RBFOX1: variants seen among roughly 807,000 people sequenced by gnomAD.
RBFOX1 encodes RNA binding protein fox-1 homolog 1.
A neutral mutation model predicts 57.7 loss-of-function variants in RBFOX1; 8 were observed. The ratio of observed to expected loss-of-function variants is 0.14; its 90% CI spans 0.08 to 0.25. The LOEUF is 0.25. RBFOX1 is among the 10% of genes least tolerant of loss of function. RBFOX1 has a pLI of 1.00. For synonymous variants in RBFOX1, 326 were observed against 222.4 expected, an observed-to-expected ratio of 1.47 and a Z score of -4.15; for missense variants, 611 against 548.5, an observed-to-expected ratio of 1.11 and a Z score of -1.14.
At chr16:7,275,238 A>C (rs1016818915) in intron 4 of RBFOX1, among the ~76,000 whole-genome samples, 1 of 152,226 alleles carries the variant, frequency 6.6e-6, no homozygotes, top group African/African-American at 2.4e-5. Flanking sequence ...ATTCAAAAAT[A>C]GCATTGTGCC....
At chr16:7,106,958 C>T (rs1599677889) in intron 4 of RBFOX1, among the ~76,000 whole-genome samples, 1 of 88,410 alleles carries the variant, frequency 1.1e-5, no homozygotes, top group Non-Finnish European at 2.4e-5. Flanking sequence ...ACGAAGCTTG[C>T]ATTCCCATGT....
At chr16:6,637,758 A>G (rs1279997995) in intron 2 of RBFOX1, among the ~76,000 whole-genome samples, 1 of 151,842 alleles carries the variant, frequency 6.6e-6, no homozygotes, top group African/African-American at 2.4e-5. Flanking sequence ...CATCTCTTCA[A>G]GAACACAACA....
intron 2 of RBFOX1, among the ~76,000 whole-genome samples, chr16:6,450,639 C>G (rs1412147049): frequency 6.7e-6 from 1 of 148,172 alleles, no homozygotes; most frequent in Non-Finnish European, 1.5e-5. Context: ...CACCTCTTAA[C>G]AAGATAGATA....
chr16:7,495,647 G>C (rs958575512), intron 4 of RBFOX1, among the ~76,000 whole-genome samples: 1 of 152,118 alleles, frequency 6.6e-6, no homozygotes, highest in African/African-American at 2.4e-5. Context: ...TGTGACCTTT[G>C]TCCATTTTTT....
At chr16:7,306,083 A>G (rs560819643) in intron 4 of RBFOX1, among the ~76,000 whole-genome samples, 18 of 152,262 alleles carry the variant, frequency 1.2e-4, no homozygotes, top group African/African-American at 3.4e-4. Flanking sequence ...CATGTTATTT[A>G]TTAATCAATT....
chr16:5,494,005 G>C (rs112393094), intron 2 of RBFOX1, among the ~76,000 whole-genome samples: 52 of 152,312 alleles, frequency 3.4e-4, no homozygotes, highest in African/African-American at 1.3e-3. Flanking sequence ...GCCTTCTTGT[G>C]GGGCTTTGTG....
intron 2 of RBFOX1, among the ~76,000 whole-genome samples, chr16:6,514,016 C>T (rs929187594): frequency 5.3e-5 from 8 of 152,180 alleles, no homozygotes; most frequent in African/African-American, 9.6e-5. Flanking sequence ...CGCATGTCCA[C>T]CTTACAGAGA....
chr16:6,868,974 C>G (rs923666641), intron 3 of RBFOX1, among the ~76,000 whole-genome samples: 9 of 152,100 alleles, frequency 5.9e-5, no homozygotes, highest in Non-Finnish European at 8.8e-5. Context: ...GTGAGAGAAA[C>G]CGTCTGTCAG....
rs187678957 is a variant in RBFOX1 at position 6,040,109 on chromosome 16, G to A, written c.-127+20117G>A. Among the ~76,000 whole-genome samples, 151 of 152,234 alleles carry A rather than the reference G, an allele frequency of 9.9e-4. 2 individuals carry two copies. Among genetic ancestry groups the A allele is most frequent in the African/African-American group, 3.5e-3 (145 of 41,546 alleles). ...TATTTGTTACAATTCATGAACACAC[G>A]TTATTACATTACATTTTTATTAAAG... On this transcript the variant is annotated intron_variant, in intron 1 of 15. Transcript: ENST00000550418.
intron 3 of RBFOX1, among the ~76,000 whole-genome samples, chr16:5,706,706 G>T (rs924922329): frequency 6.6e-6 from 1 of 152,144 alleles, no homozygotes; most frequent in Non-Finnish European, 1.5e-5. Context: ...GTTGCCAAAT[G>T]AAATGATTTT....
intron 3 of RBFOX1, among the ~76,000 whole-genome samples, chr16:5,727,475 A>G (rs529516197): frequency 1.3e-5 from 2 of 152,320 alleles, no homozygotes; most frequent in South Asian, 2.1e-4. Flanking sequence ...TACCTGACAT[A>G]GTTAACCTTT....
At chr16:6,490,348 G>C (rs2153129352) in intron 2 of RBFOX1, among the ~76,000 whole-genome samples, 1 of 152,270 alleles carries the variant, frequency 6.6e-6, no homozygotes, top group South Asian at 2.1e-4. Context: ...TTGAATAAAT[G>C]AGTACATGGA....
intron 3 of RBFOX1, among the ~76,000 whole-genome samples, chr16:6,735,380 G>T (rs138036573): frequency 2.0e-5 from 3 of 152,038 alleles, no homozygotes; most frequent in African/African-American, 7.2e-5. Flanking sequence ...TACTATTCAG[G>T]GCTTTACTTT....
chr16:6,917,776 C>G (rs1161777216), intron 3 of RBFOX1, among the ~76,000 whole-genome samples: 1 of 152,188 alleles, frequency 6.6e-6, no homozygotes, highest in Non-Finnish European at 1.5e-5. Context: ...TGTTCTCCTC[C>G]TCTGTGGATC....
At chr16:7,025,719 G>C (rs1262914859) in intron 3 of RBFOX1, among the ~76,000 whole-genome samples, 1 of 151,974 alleles carries the variant, frequency 6.6e-6, no homozygotes, top group Non-Finnish European at 1.5e-5. Context: ...CTGCCAGTCA[G>C]GACATCCTAG....
intron 2 of RBFOX1, among the ~76,000 whole-genome samples, chr16:6,512,998 C>G (rs985114582): frequency 3.3e-5 from 5 of 152,162 alleles, no homozygotes; most frequent in Non-Finnish European, 7.3e-5. Context: ...TTACGAATTC[C>G]TACTTCTCAT....
chr16:6,706,069 C>G, intron 3 of RBFOX1, among the ~76,000 whole-genome samples: 1 of 152,140 alleles, frequency 6.6e-6, no homozygotes, highest in East Asian at 1.9e-4. Flanking sequence ...GAATTGTGGA[C>G]CACCTTTCAC....
chr16:5,332,963 A>G (rs1293758481), intron 1 of RBFOX1, among the ~76,000 whole-genome samples: 1 of 152,144 alleles, frequency 6.6e-6, no homozygotes, highest in African/African-American at 2.4e-5. Context: ...AGGTGGGCGG[A>G]TCACCTGAGG....
chr16:7,209,614 G>T (rs1238201323), intron 4 of RBFOX1, among the ~76,000 whole-genome samples: 1 of 152,142 alleles, frequency 6.6e-6, no homozygotes, highest in African/African-American at 2.4e-5. Flanking sequence ...CTTACCCATT[G>T]TAACCACTCT....
Sources: gnomAD v4.1 joint callset for allele counts (sites outside exome capture counted in the v4.1 genomes callset) on GRCh38, gnomAD v4.1.1 for gene constraint, MANE v1.5 for transcripts, NCBI Gene and HGNC (gene_info 2026-07-23, HGNC 2026-07-21) for gene names.